RBFOX1: variants seen among roughly 807,000 people sequenced by gnomAD.
RBFOX1 encodes the protein RNA binding fox-1 homolog 1, also known as RNA binding protein fox-1 homolog 1.
A neutral mutation model predicts 57.7 loss-of-function variants in RBFOX1; 8 were observed. That is an observed-to-expected ratio of 0.14 (90% confidence interval 0.08 to 0.25). The LOEUF is 0.25. Ranked by LOEUF, RBFOX1 falls within the 10% of genes least tolerant of loss-of-function variation. The pLI is 1.00. For synonymous variants in RBFOX1, 326 were observed against 222.4 expected (o/e 1.47, Z -4.15); for missense variants, 611 against 548.5 (o/e 1.11, Z -1.14).
At chr16:6,880,824 A>G (rs1041705324) in intron 3 of RBFOX1, among the ~76,000 whole-genome samples, 3 of 152,240 alleles carry the variant, frequency 2.0e-5, no homozygotes, top group African/African-American at 7.2e-5. Context: ...AAATCAATAT[A>G]TAAATGTGTT....
At chr16:7,195,303 G>T (rs2086425085) in intron 4 of RBFOX1, among the ~76,000 whole-genome samples, 1 of 152,152 alleles carries the variant, frequency 6.6e-6, no homozygotes, top group Admixed American at 6.6e-5. Flanking sequence ...GCAAAATAAG[G>T]CTTCTTGTGA....
At chr16:5,537,623 C>T (rs8058413) in intron 2 of RBFOX1, among the ~76,000 whole-genome samples, 64,297 of 151,992 alleles carry the variant, frequency 0.42, 14,023 homozygotes, top group African/African-American at 0.45. Flanking sequence ...GAAGGTTGTT[C>T]CCAGCCTGGA....
At chr16:6,955,285 C>G (rs962079749) in intron 3 of RBFOX1, among the ~76,000 whole-genome samples, 14 of 151,754 alleles carry the variant, frequency 9.2e-5, no homozygotes, top group African/African-American at 2.4e-5. Context: ...AACTCCCTAG[C>G]GTACGATTAA....
chr16:7,057,603 GC>G (rs2153741950), intron 4 of RBFOX1, among the ~76,000 whole-genome samples: 1 of 152,282 alleles, frequency 6.6e-6, no homozygotes, highest in South Asian at 2.1e-4. Flanking sequence ...TTCACTCTGG[GC>G]CAGTTGGATC....
rs34943266 is a variant in RBFOX1, at chr16:7,046,237, GGTGTGTGTGTGTGT to G, written c.-15-5803_-15-5790del. Among the ~76,000 whole-genome samples the G allele has an allele frequency of 1.8e-3, 264 of 146,694 alleles. 3 individuals carry two copies. The highest frequency in any genetic ancestry group is 6.0e-3 in the African/African-American group (242 of 40,506). On this transcript the variant is annotated intron_variant, in intron 3 of 15. Coordinates refer to ENST00000550418, the MANE Select transcript of RBFOX1 (RefSeq NM_018723.4). ...ATAAAGTGTGAGGTTTAGGTAAAGGGGTGTGTGTGTGTGTGTGTGTGTGTGTGTGTACACATCCA... is the reference window on the plus strand; with the variant it reads ...ATAAAGTGTGAGGTTTAGGTAAAGGGGTGTGTGTGTGTGTGTACACATCCA...
chr16:7,198,550 A>C (rs2087405356), intron 4 of RBFOX1, among the ~76,000 whole-genome samples: 1 of 152,214 alleles, frequency 6.6e-6, no homozygotes, highest in South Asian at 2.1e-4. Flanking sequence ...ACTTAAAAGC[A>C]ATCAAAGTGT....
At chr16:7,502,772 C>T (rs1264844533) in intron 4 of RBFOX1, among the ~76,000 whole-genome samples, 1 of 151,900 alleles carries the variant, frequency 6.6e-6, no homozygotes. Flanking sequence ...GCCTGTAATC[C>T]CAGAACTTTG....
intron 3 of RBFOX1, among the ~76,000 whole-genome samples, chr16:6,763,888 A>G (rs2076971763): frequency 6.6e-6 from 1 of 152,148 alleles, no homozygotes; most frequent in Non-Finnish European, 1.5e-5. Flanking sequence ...GTGCTTGCTT[A>G]TGTTCAGGAA....
chr16:5,464,316 T>C (rs1048054658), intron 1 of RBFOX1, among the ~76,000 whole-genome samples: 2 of 152,164 alleles, frequency 1.3e-5, no homozygotes, highest in African/African-American at 2.4e-5. Context: ...GATGCCATGG[T>C]GAATGATTCT....
intron 1 of RBFOX1, among the ~76,000 whole-genome samples, chr16:5,441,853 C>T (rs140748920): frequency 2.6e-5 from 4 of 152,186 alleles, no homozygotes; most frequent in Admixed American, 6.5e-5. Flanking sequence ...CTCACTATCA[C>T]GAAAAACAGA....
At chr16:5,876,942 T>G (rs1010392246) in intron 4 of RBFOX1, among the ~76,000 whole-genome samples, 1 of 152,058 alleles carries the variant, frequency 6.6e-6, no homozygotes, top group Non-Finnish European at 1.5e-5. Flanking sequence ...GGCCTGGAGA[T>G]GCAATGGTTG....
intron 3 of RBFOX1, chr16:6,773,957 G>A (rs2078898896): frequency 4.1e-6 from 4 of 985,292 alleles, no homozygotes; most frequent in South Asian, 9.4e-5. Context: ...ACACGCACAT[G>A]GTTCTCATGG....
intron 2 of RBFOX1, among the ~76,000 whole-genome samples, chr16:5,569,974 T>C (rs2046222698): frequency 6.6e-6 from 1 of 152,198 alleles, no homozygotes; most frequent in Non-Finnish European, 1.5e-5. Flanking sequence ...ACTCGGCATC[T>C]AACTAAAGAT....
At chr16:6,812,166 A>G (rs1298844365) in intron 3 of RBFOX1, among the ~76,000 whole-genome samples, 1 of 152,168 alleles carries the variant, frequency 6.6e-6, no homozygotes, top group Non-Finnish European at 1.5e-5. Context: ...TTTCAAGTAA[A>G]GGCCCCATAG....
At chr16:5,502,605 G>A (rs142553529) in intron 2 of RBFOX1, among the ~76,000 whole-genome samples, 1 of 152,308 alleles carries the variant, frequency 6.6e-6, no homozygotes, top group African/African-American at 2.4e-5. Context: ...GGGAGAAAAT[G>A]CAATCAGGTC....
chr16:6,975,388 C>T (rs1175192731), intron 3 of RBFOX1, among the ~76,000 whole-genome samples: 1 of 152,142 alleles, frequency 6.6e-6, no homozygotes, highest in South Asian at 2.1e-4. Flanking sequence ...GCCTCAGCCT[C>T]CCAAGTAGCT....
intron 4 of RBFOX1, among the ~76,000 whole-genome samples, chr16:7,446,851 C>A (rs1239102434): frequency 7.8e-6 from 1 of 128,774 alleles, no homozygotes; most frequent in African/African-American, 2.8e-5. Context: ...CTCACTCTGT[C>A]ACCCAGGCTG....
At chr16:5,696,794 A>G (rs1318910744) in intron 3 of RBFOX1, among the ~76,000 whole-genome samples, 1 of 152,188 alleles carries the variant, frequency 6.6e-6, no homozygotes, top group Non-Finnish European at 1.5e-5. Context: ...ATGTCTGTCT[A>G]TAATCTGCAT....
chr16:6,649,587 C>T (rs1568040644), intron 2 of RBFOX1, among the ~76,000 whole-genome samples: 1 of 152,202 alleles, frequency 6.6e-6, no homozygotes, highest in Non-Finnish European at 1.5e-5. Flanking sequence ...CATCGCTTAG[C>T]TCCCACTTAT....
Sources: allele counts gnomAD v4.1 joint callset (sites outside exome capture counted in the v4.1 genomes callset), GRCh38; gene constraint gnomAD v4.1.1; transcripts MANE v1.5; gene names NCBI Gene and HGNC (gene_info 2026-07-23, HGNC 2026-07-21).